The following DLG2 variants were observed in gnomAD, a reference collection of about 807,000 sequenced individuals.
DLG2 encodes the protein discs large MAGUK scaffold protein 2, also known as disks large homolog 2.
Under a neutral mutation model 132.5 loss-of-function variants are expected in DLG2, and 45 were observed. The observed-to-expected ratio is 0.34, with a 90% CI of 0.27 to 0.44. The LOEUF (loss-of-function observed/expected upper bound fraction) is 0.44. DLG2 is among the 20% of genes least tolerant of loss of function. The pLI is 1.00. For missense variants in DLG2, 1,045 were observed against 1,196.9 expected (o/e 0.87, Z 1.87); for synonymous variants, 424 against 419.6 (o/e 1.01, Z -0.13).
At chr11:84,985,746 C>T (rs1481253602) in intron 6 of DLG2, among the ~76,000 whole-genome samples, 1 of 152,038 alleles carries the variant, frequency 6.6e-6, no homozygotes, top group Non-Finnish European at 1.5e-5. Context: ...GTAATCCCAG[C>T]ACTTGGGAGG....
At chr11:84,816,226 T>C (rs2077072115) in intron 6 of DLG2, among the ~76,000 whole-genome samples, 1 of 152,002 alleles carries the variant, frequency 6.6e-6, no homozygotes, top group South Asian at 2.1e-4. Flanking sequence ...TTTATTAAAG[T>C]TGTAGACAGA....
intron 19 of DLG2, among the ~76,000 whole-genome samples, chr11:83,630,401 A>T (rs1476077777): frequency 6.6e-6 from 1 of 152,130 alleles, no homozygotes; most frequent in Non-Finnish European, 1.5e-5. Context: ...TTTTGGTGCA[A>T]GCAAATATTT....
chr11:84,581,310 T>C (rs1013333166), intron 6 of DLG2, among the ~76,000 whole-genome samples: 1 of 152,184 alleles, frequency 6.6e-6, no homozygotes, highest in Non-Finnish European at 1.5e-5. Flanking sequence ...TTTTCCTCAT[T>C]CCAGCCAGGC....
At chr11:84,148,479 T>G (rs1185657934) in intron 9 of DLG2, among the ~76,000 whole-genome samples, 1 of 152,168 alleles carries the variant, frequency 6.6e-6, no homozygotes, top group Non-Finnish European at 1.5e-5. Context: ...CACACAGTAT[T>G]TGGCTTTCTG....
chr11:83,861,958 T>C (rs190988249), intron 16 of DLG2, among the ~76,000 whole-genome samples: 3 of 152,336 alleles, frequency 2.0e-5, no homozygotes, highest in East Asian at 3.9e-4. Context: ...TCACATTGCA[T>C]CCTTGTATCA....
At chr11:84,648,604 T>TA (rs2099677671) in intron 6 of DLG2, among the ~76,000 whole-genome samples, 8 of 152,120 alleles carry the variant, frequency 5.3e-5, no homozygotes, top group African/African-American at 1.9e-4. Context: ...GTTGGATCGC[T>TA]CATGCACTGC....
chr11:85,483,333 T>A (rs982551610), intron 3 of DLG2, among the ~76,000 whole-genome samples: 57 of 152,024 alleles, frequency 3.7e-4, no homozygotes, highest in East Asian at 5.8e-4. Context: ...GTGTAAAAAA[T>A]TTTTTTTAAA....
chr11:85,194,065 A>T (rs559854453), intron 4 of DLG2, among the ~76,000 whole-genome samples: 12 of 152,244 alleles, frequency 7.9e-5, no homozygotes, highest in Non-Finnish European at 1.6e-4. Flanking sequence ...AGATGGCACC[A>T]TTCTGTAACA....
At chr11:83,698,069 C>T (rs998285324) in intron 18 of DLG2, among the ~76,000 whole-genome samples, 2 of 152,194 alleles carry the variant, frequency 1.3e-5, no homozygotes, top group Non-Finnish European at 1.5e-5. Context: ...GTCATTGAGT[C>T]TCACTTAAGC....
chr11:84,814,744 G>A (rs537575454), intron 6 of DLG2, among the ~76,000 whole-genome samples: 1 of 151,968 alleles, frequency 6.6e-6, no homozygotes, highest in Admixed American at 6.6e-5. Flanking sequence ...ATTCATTAGG[G>A]TCACCCTGAG....
At chr11:84,858,787 C>G (rs533600626) in intron 6 of DLG2, among the ~76,000 whole-genome samples, 1 of 151,800 alleles carries the variant, frequency 6.6e-6, no homozygotes, top group African/African-American at 2.4e-5. Context: ...CACTTTAAAA[C>G]TAACATCATG....
intron 8 of DLG2, among the ~76,000 whole-genome samples, chr11:84,221,577 T>C (rs2096917034): frequency 1.3e-5 from 2 of 152,180 alleles, no homozygotes; most frequent in Admixed American, 1.3e-4. Flanking sequence ...TATCAAAAGT[T>C]TCCTTCTAGC....
At chr11:84,669,156 T>TG (rs1466567847) in intron 6 of DLG2, among the ~76,000 whole-genome samples, 1 of 151,886 alleles carries the variant, frequency 6.6e-6, no homozygotes, top group Non-Finnish European at 1.5e-5. Context: ...AGCATGTGCT[T>TG]GGTGGTTGGG....
intron 3 of DLG2, among the ~76,000 whole-genome samples, chr11:85,379,352 T>C (rs2085687472): frequency 6.6e-6 from 1 of 152,192 alleles, no homozygotes; most frequent in Non-Finnish European, 1.5e-5. Context: ...TTCAAAGATA[T>C]GTAGCATGTG....
chr11:84,336,631 G>A (rs1003766473), intron 7 of DLG2, among the ~76,000 whole-genome samples: 1 of 151,976 alleles, frequency 6.6e-6, no homozygotes, highest in Admixed American at 6.6e-5. Flanking sequence ...TCTTCCTCTG[G>A]TGGGCCATCA....
chr11:84,680,378 C>T (rs1215369663), intron 6 of DLG2, among the ~76,000 whole-genome samples: 2 of 152,166 alleles, frequency 1.3e-5, no homozygotes, highest in African/African-American at 2.4e-5. Flanking sequence ...GGCCATCCCT[C>T]TTAAGGGCAA....
At chr11:83,588,895 G>A (rs2097139716) in intron 19 of DLG2, among the ~76,000 whole-genome samples, 1 of 151,634 alleles carries the variant, frequency 6.6e-6, no homozygotes, top group Non-Finnish European at 1.5e-5. Context: ...TATCAGTGAT[G>A]GAAGATGAAA....
intron 7 of DLG2, among the ~76,000 whole-genome samples, chr11:84,449,440 C>T (rs1216195146): frequency 1.3e-5 from 2 of 151,470 alleles, no homozygotes; most frequent in African/African-American, 2.4e-5. Flanking sequence ...AAAAAATATA[C>T]AAAGTTTTAA....
In DLG2 at chr11:85,318,591, T is replaced by C. The variant is rs532459834; in HGVS notation, c.41-33226A>G. Among the ~76,000 whole-genome samples, 114 of 151,604 alleles carry C rather than the reference T, an allele frequency of 7.5e-4. No homozygotes were observed. The South Asian group carries it at 9.3e-3, about 12-fold the overall frequency. On this transcript the variant is annotated intron_variant, in intron 3 of 27. Coordinates refer to ENST00000376104, the MANE Select transcript of DLG2 (RefSeq NM_001142699.3). ...CTTTGTAAATTCCACTTGGTTGAAA[T>C]GTAAGGGAAGGGAAAGGGAAGTAAA... is the stretch of plus-strand genomic sequence containing the variant.
Sources: gnomAD v4.1 joint callset for allele counts (sites outside exome capture counted in the v4.1 genomes callset) on GRCh38, gnomAD v4.1.1 for gene constraint, MANE v1.5 for transcripts, NCBI Gene and HGNC (gene_info 2026-07-23, HGNC 2026-07-21) for gene names.